Variants in NTRK3 observed in about 807,000 individuals in gnomAD.
NTRK3 encodes the protein NT-3 growth factor receptor.
A neutral mutation model predicts 91.7 loss-of-function variants in NTRK3; 24 were observed. That is an observed-to-expected ratio of 0.26 (90% CI 0.19 to 0.37). The LOEUF (loss-of-function observed/expected upper bound fraction) is 0.37, where lower values mean the gene tolerates loss of function less well. Among genes scored for constraint, NTRK3 ranks in the 10% least tolerant of loss-of-function variants. NTRK3 has a pLI of 1.00. For synonymous variants in NTRK3, 483 were observed against 404.0 expected (o/e 1.20, Z -2.34); for missense variants, 880 against 1,068.9 (o/e 0.82, Z 2.46).
chr15:87,899,403 T>C (rs1213407735), intron 17 of NTRK3, among the ~76,000 whole-genome samples: 1 of 148,268 alleles, frequency 6.7e-6, no homozygotes, highest in East Asian at 2.1e-4. Context: ...CCTCAATTTC[T>C]GTGCCCTTAA....
At chr15:88,140,693 C>T (rs1014315653) in intron 6 of NTRK3, among the ~76,000 whole-genome samples, 11 of 152,186 alleles carry the variant, frequency 7.2e-5, no homozygotes, top group East Asian at 1.9e-4. Context: ...GAAAACTCCA[C>T]GGTATGCTCA....
chr15:88,180,718 C>T lies in NTRK3; in HGVS notation c.395+2700G>A, dbSNP rs78343379. On this transcript the variant is annotated intron_variant, in intron 5 of 18. Coordinates refer to ENST00000394480, the Ensembl canonical transcript of NTRK3. Reference sequence around the variant, plus strand: ...AAAAAAAAGCCACCAAGCCAGGGCTCGGCAATTAGTGTTGGAGTAAGTGAT... The same window carrying T: ...AAAAAAAAGCCACCAAGCCAGGGCTTGGCAATTAGTGTTGGAGTAAGTGAT... 2.5e-3 allele frequency among the ~76,000 whole-genome samples: 378 copies of T among 148,620 alleles called. 7 individuals carry two copies. The East Asian group carries it at 0.031, about 12-fold the overall frequency.
intron 13 of NTRK3, among the ~76,000 whole-genome samples, chr15:88,097,242 T>C (rs958265115): frequency 6.6e-6 from 1 of 152,228 alleles, no homozygotes. Flanking sequence ...TATATTTCTA[T>C]TGAACAGTGC....
At chr15:88,138,954 G>A (rs1038701063) in intron 6 of NTRK3, among the ~76,000 whole-genome samples, 4 of 152,180 alleles carry the variant, frequency 2.6e-5, no homozygotes, top group African/African-American at 7.2e-5. Flanking sequence ...GTCCCTGGGG[G>A]AGTAGGTGGT....
chr15:88,137,729 A>G (rs2042009694), intron 6 of NTRK3, among the ~76,000 whole-genome samples, 168 bp from the exon 7 acceptor site: 1 of 152,218 alleles, frequency 6.6e-6, no homozygotes, highest in African/African-American at 2.4e-5. Flanking sequence ...CATAAATTGC[A>G]GTTTTAAAAC....
At chr15:87,957,046 C>A (rs1487905154) in intron 14 of NTRK3, among the ~76,000 whole-genome samples, 3 of 152,182 alleles carry the variant, frequency 2.0e-5, no homozygotes, top group Non-Finnish European at 1.5e-5. Flanking sequence ...GCCAACCCCA[C>A]TCAACGTGAC....
At chr15:87,989,199 C>A (rs904556386) in intron 14 of NTRK3, among the ~76,000 whole-genome samples, 3 of 152,198 alleles carry the variant, frequency 2.0e-5, no homozygotes, top group Non-Finnish European at 4.4e-5. Flanking sequence ...AAGACACATG[C>A]ACACGTATGT....
chr15:87,973,837 T>C (rs955386913), intron 14 of NTRK3, among the ~76,000 whole-genome samples: 2 of 152,132 alleles, frequency 1.3e-5, no homozygotes, highest in Admixed American at 6.5e-5. Context: ...TCCCCCTCCC[T>C]GTCTCTCCCT....
intron 14 of NTRK3, among the ~76,000 whole-genome samples, chr15:87,983,770 A>G (rs75341192): frequency 0.03 from 4,556 of 152,300 alleles, 246 homozygotes; most frequent in African/African-American, 0.1. Context: ...GGAGGTCAAG[A>G]TAGTGATGGT....
intron 17 of NTRK3, among the ~76,000 whole-genome samples, chr15:87,883,204 TG>T (rs1412632243): frequency 6.7e-6 from 1 of 150,162 alleles, no homozygotes; most frequent in Non-Finnish European, 1.5e-5. Context: ...CATATATATG[TG>T]AAAAAAAGGA....
intron 3 of NTRK3, among the ~76,000 whole-genome samples, chr15:88,248,452 T>C (rs747855920): frequency 1.3e-5 from 2 of 152,216 alleles, no homozygotes; most frequent in Non-Finnish European, 2.9e-5. Context: ...TGTTGTAAAC[T>C]AAATGATTCT....
intron 14 of NTRK3, among the ~76,000 whole-genome samples, chr15:88,004,816 C>T (rs1037622731): frequency 6.6e-6 from 1 of 152,126 alleles, no homozygotes; most frequent in Admixed American, 6.5e-5. Context: ...AATCGTAGCA[C>T]TAGGGGAAGG....
chr15:87,902,081 G>C lies in NTRK3; in HGVS notation c.2134-21653C>G, dbSNP rs541082652. Among the ~76,000 whole-genome samples, 149 of 152,272 alleles carry C rather than the reference G, an allele frequency of 9.8e-4. 1 individual carries two copies. Among genetic ancestry groups the C allele is most frequent in the African/African-American group, 3.5e-3 (145 of 41,542 alleles). On this transcript the variant is annotated intron_variant, in intron 17 of 18. Transcript: ENST00000394480. ...AAAGCTGAAGGGGAATTTTCATTCA[G>C]AAATATCTAAATCAGCAGATTCAAT...
chr15:88,244,970 G>A (rs991052312), intron 3 of NTRK3, among the ~76,000 whole-genome samples: 4 of 152,240 alleles, frequency 2.6e-5, no homozygotes, highest in African/African-American at 7.2e-5. Context: ...TGGGGCTGCA[G>A]AGTGGGGAAG....
chr15:87,896,092 C>T (rs1462035072), intron 17 of NTRK3, among the ~76,000 whole-genome samples: 3 of 152,188 alleles, frequency 2.0e-5, no homozygotes, highest in Non-Finnish European at 4.4e-5. Context: ...ACCCCGACCA[C>T]ATTGGGCACA....
intron 14 of NTRK3, chr15:87,981,130 A>T: frequency 6.5e-7 from 1 of 1,542,860 alleles, no homozygotes; most frequent in Non-Finnish European, 8.8e-7. Flanking sequence ...TCCACGAAAT[A>T]TATGGAGGCT....
chr15:88,238,111 C>T (rs1276560268), intron 3 of NTRK3, among the ~76,000 whole-genome samples: 2 of 152,152 alleles, frequency 1.3e-5, no homozygotes, highest in African/African-American at 4.8e-5. Flanking sequence ...GAGAAGGCGA[C>T]CGTCTGCAAG....
intron 14 of NTRK3, among the ~76,000 whole-genome samples, chr15:87,956,675 T>C (rs2071696298): frequency 6.6e-6 from 1 of 151,876 alleles, no homozygotes; most frequent in Non-Finnish European, 1.5e-5. Flanking sequence ...GTTCAAGCAA[T>C]TCTCCCCGCT....
chr15:88,141,980 C>A (rs775788559), intron 6 of NTRK3, among the ~76,000 whole-genome samples: 115 of 152,348 alleles, frequency 7.5e-4, no homozygotes, highest in Middle Eastern at 3.4e-3. Flanking sequence ...GTATTCCCCC[C>A]ATCCTTCTGG....
Sources: gnomAD v4.1 joint callset for allele counts (sites outside exome capture counted in the v4.1 genomes callset) on GRCh38, gnomAD v4.1.1 for gene constraint, MANE v1.5 for transcripts, NCBI Gene and HGNC (gene_info 2026-07-23, HGNC 2026-07-21) for gene names.